Variants in SLC4A7 observed in about 807,000 individuals in gnomAD.
SLC4A7 encodes the protein sodium bicarbonate cotransporter 3.
SLC4A7 carries 51 observed loss-of-function variants against 137.6 expected under a neutral mutation model. That is an observed-to-expected ratio of 0.37 (90% confidence interval 0.30 to 0.47). The LOEUF is 0.47. Ranked by LOEUF, SLC4A7 falls within the 20% of genes least tolerant of loss-of-function variation. The pLI is 1.00. For synonymous variants in SLC4A7, 542 were observed against 518.6 expected, an observed-to-expected ratio of 1.05 and a Z score of -0.61; for missense variants, 1,247 against 1,525.4, an observed-to-expected ratio of 0.82 and a Z score of 3.04.
intron 12 of SLC4A7, 135 bp from the exon 13 acceptor site, chr3:27,409,665 TA>T: frequency 1.6e-6 from 1 of 607,268 alleles, no homozygotes; most frequent in Non-Finnish European, 2.9e-6. Context: ...ATTTAACTTA[TA>T]AATTACAGAA....
chr3:27,397,657 C>A (rs770734116), intron 18 of SLC4A7, 27 bp downstream of exon 18: 1 of 1,138,026 alleles, frequency 8.8e-7, no homozygotes, highest in Non-Finnish European at 1.3e-6. Context: ...TCCCAAGTAA[C>A]AAATAGCCAC....
chr3:27,374,468 A>AT lies in SLC4A7; in HGVS notation c.*2295dup, dbSNP rs2049768509. On this transcript the variant is annotated 3_prime_UTR_variant, in exon 26 of 26. Coordinates refer to ENST00000454389, the MANE Select transcript of SLC4A7 (RefSeq NM_001321103.2). ...CTCTCAATGAATGCTATCTTTGATT[A>AT]TTTTTCAAAAACAGTGGAAGAAATA... The AT allele has an allele frequency of 6.6e-6, 1 of 152,486 alleles. No individual in the cohort carries two copies. Among genetic ancestry groups the AT allele is most frequent in the Non-Finnish European group, 1.5e-5 (1 of 67,932 alleles). 9.4% of individuals were successfully genotyped at this position (152,486 alleles called of 1,614,324 possible).
At chr3:27,461,786 C>T (rs1256095794) in intron 1 of SLC4A7, among the ~76,000 whole-genome samples, 3 of 150,706 alleles carry the variant, frequency 2.0e-5, no homozygotes, top group Admixed American at 2.0e-4. Context: ...ATGGTGAAAC[C>T]CCATCTCCAC....
At chr3:27,425,676 CAAAAAAAAAAA>C (rs59895795) in intron 7 of SLC4A7, among the ~76,000 whole-genome samples, 34 of 61,486 alleles carry the variant, frequency 5.5e-4, no homozygotes, top group African/African-American at 1.5e-3. Flanking sequence ...AACTCTGTCT[CAAAAAAAAAAA>C]AAAAAAAAAA....
intron 7 of SLC4A7, among the ~76,000 whole-genome samples, chr3:27,425,509 T>C (rs2055490979): frequency 1.3e-5 from 2 of 149,282 alleles, no homozygotes; most frequent in African/African-American, 5.0e-5. Flanking sequence ...AAACACCCTC[T>C]CTACTAAAAC....
intron 11 of SLC4A7, among the ~76,000 whole-genome samples, chr3:27,415,590 T>C (rs1379365954): frequency 2.6e-5 from 4 of 152,254 alleles, no homozygotes; most frequent in African/African-American, 7.2e-5. Flanking sequence ...GGATCTGATC[T>C]GGGAACTCAT....
rs370250009 is a variant in SLC4A7 at position 27,376,655 on chromosome 3, G to C, written c.*109C>G. The C allele has an allele frequency of 3.2e-6, 2 of 626,912 alleles. No individual in the cohort carries two copies. The highest frequency in any genetic ancestry group is 3.8e-5 in the African/African-American group (2 of 52,368). The allele number at this position is 626,912 out of a possible 1,614,324, so 38.8% of individuals were successfully genotyped here. A position where few individuals can be genotyped will look rare whatever the true frequency, so the allele number is the denominator to read the frequency against. ...CTCCAGACACTACTTTTAAAAACCC[G>C]GTAGTCACACATAAACAGCATGACA... On this transcript the variant is annotated 3_prime_UTR_variant, in exon 26 of 26. Transcript: ENST00000454389.
chr3:27,468,943 C>T (rs2059123239), intron 1 of SLC4A7, among the ~76,000 whole-genome samples: 1 of 151,908 alleles, frequency 6.6e-6, no homozygotes, highest in African/African-American at 2.4e-5. Flanking sequence ...GCTGTCTCTA[C>T]TAAAAATACA....
chr3:27,395,989 AT>A (rs2052115654), intron 18 of SLC4A7, among the ~76,000 whole-genome samples: 1 of 152,220 alleles, frequency 6.6e-6, no homozygotes, highest in South Asian at 2.1e-4. Context: ...ATACTAATAC[AT>A]TTTGACAGTA....
chr3:27,400,952 G>C (rs865863006), intron 15 of SLC4A7, 83 bp from the exon 16 acceptor site: 1 of 735,800 alleles, frequency 1.4e-6, no homozygotes, highest in Non-Finnish European at 2.3e-6. Flanking sequence ...CAATGTGGTA[G>C]ATTTTAACTT....
intron 7 of SLC4A7, among the ~76,000 whole-genome samples, chr3:27,427,440 A>C (rs769326698): frequency 3.3e-5 from 5 of 152,070 alleles, no homozygotes; most frequent in Non-Finnish European, 7.4e-5. Flanking sequence ...ATGCCCAGCC[A>C]CAAGTTTTAT....
At chr3:27,464,724 G>A (rs757913081) in intron 1 of SLC4A7, among the ~76,000 whole-genome samples, 23 of 152,034 alleles carry the variant, frequency 1.5e-4, no homozygotes, top group African/African-American at 3.1e-4. Context: ...AGCCCAGCGC[G>A]GTCGCTAATG....
intron 1 of SLC4A7, among the ~76,000 whole-genome samples, chr3:27,473,073 C>T (rs1214448254): frequency 7.4e-6 from 1 of 134,992 alleles, no homozygotes; most frequent in East Asian, 2.0e-4. Context: ...GAGGAAGACT[C>T]TGTCTCAAAA....
rs1386782800 is a variant in SLC4A7, at chr3:27,398,760, A to G, written c.2428-407T>C. Among the ~76,000 whole-genome samples the G allele has an allele frequency of 2.0e-5, 3 of 152,178 alleles. No homozygotes were observed. In the East Asian group the frequency reaches 5.8e-4, roughly 29 times the overall value. On this transcript the variant is annotated intron_variant, in intron 16 of 25. Transcript: ENST00000454389. ...ACAAGTGGTTTAAAACAAAAGCAGC[A>G]GATAGAAAATTAATACTATGCTCTT...
At chr3:27,437,550 A>G in intron 3 of SLC4A7, 24 bp from the exon 4 acceptor site, 2 of 1,475,474 alleles carry the variant, frequency 1.4e-6, no homozygotes, top group Non-Finnish European at 1.8e-6. Context: ...GAATTTACAT[A>G]TACTCAAATT....
At chr3:27,470,641 T>TAAAA (rs35093803) in intron 1 of SLC4A7, among the ~76,000 whole-genome samples, 1 of 115,722 alleles carries the variant, frequency 8.6e-6, no homozygotes, top group Non-Finnish European at 1.8e-5. Context: ...GCTCCAACTT[T>TAAAA]AAAAAAAAAA....
rs1464915954 is a variant in SLC4A7, at chr3:27,434,119, A to C, written c.590-15T>G. The C allele has an allele frequency of 1.9e-6, 3 of 1,563,824 alleles. No individual in the cohort carries two copies. The highest frequency in any genetic ancestry group is 1.2e-5 in the South Asian group (1 of 83,466). On this transcript the variant is annotated splice_polypyrimidine_tract_variant and intron_variant, in intron 5 of 25. Coordinates refer to ENST00000454389, the MANE Select transcript of SLC4A7 (RefSeq NM_001321103.2). ...TAATACCATATCTATTCAATGAAAAAAAAAATAAATTACTAAACACTCAGA... is the reference window on the plus strand; with the variant it reads ...TAATACCATATCTATTCAATGAAAACAAAAATAAATTACTAAACACTCAGA...
chr3:27,379,138 C>G, intron 25 of SLC4A7, 111 bp downstream of exon 25: 1 of 626,230 alleles, frequency 1.6e-6, no homozygotes, highest in East Asian at 2.8e-5. Context: ...TTATTTATAC[C>G]TTATTCCAAG....
intron 3 of SLC4A7, among the ~76,000 whole-genome samples, chr3:27,446,485 T>G (rs2057648389): frequency 6.6e-6 from 1 of 152,172 alleles, no homozygotes; most frequent in African/African-American, 2.4e-5. Flanking sequence ...GCCCCTATAC[T>G]TAACACTTTT....
Sources: allele counts gnomAD v4.1 joint callset (sites outside exome capture counted in the v4.1 genomes callset), GRCh38; gene constraint gnomAD v4.1.1; transcripts MANE v1.5; gene names NCBI Gene and HGNC (gene_info 2026-07-23, HGNC 2026-07-21).